The following SPAG16 variants were observed in gnomAD, a reference collection of about 807,000 sequenced individuals.
SPAG16 encodes the protein sperm associated antigen 16.
A neutral mutation model predicts 80.4 loss-of-function variants in SPAG16; 86 were observed. The ratio of observed to expected loss-of-function variants is 1.07; its 90% CI spans 0.90 to 1.28. The LOEUF (loss-of-function observed/expected upper bound fraction) is 1.28. SPAG16 is among the 50% of genes most tolerant of loss of function. The probability of loss-of-function intolerance (pLI) is 0.00; values close to 1 mark genes in which losing one functional copy is unlikely to be tolerated. For missense variants in SPAG16, 870 were observed against 765.3 expected, an observed-to-expected ratio of 1.14 and a Z score of -1.61; for synonymous variants, 294 against 265.9, an observed-to-expected ratio of 1.11 and a Z score of -1.03.
intron 10 of SPAG16, among the ~76,000 whole-genome samples, chr2:213,635,872 T>A (rs1463977708): frequency 6.6e-6 from 1 of 152,190 alleles, no homozygotes; most frequent in African/African-American, 2.4e-5. Context: ...ATGTATAGTT[T>A]GCAAAAATTT....
chr2:214,279,823 CT>C (rs1692775084), intron 15 of SPAG16, among the ~76,000 whole-genome samples: 1 of 152,130 alleles, frequency 6.6e-6, no homozygotes, highest in African/African-American at 2.4e-5. Flanking sequence ...CAATGTATTT[CT>C]CTAACTAAAA....
At chr2:214,136,293 C>T (rs1223169561) in intron 14 of SPAG16, among the ~76,000 whole-genome samples, 1 of 152,150 alleles carries the variant, frequency 6.6e-6, no homozygotes, top group Non-Finnish European at 1.5e-5. Context: ...CAAACCATAG[C>T]ATCAGGTTTT....
At chr2:213,975,823 G>A (rs972703924) in intron 12 of SPAG16, among the ~76,000 whole-genome samples, 4 of 151,932 alleles carry the variant, frequency 2.6e-5, no homozygotes, top group African/African-American at 7.2e-5. Context: ...AGAGTTAGCA[G>A]CTTGCAACAA....
At position 213,314,401 on chromosome 2, in the gene SPAG16, A is replaced by G. The variant is rs568153453; in HGVS notation, c.399-2818A>G. ...AAAGTCAGGATATTTGTTAAAACAAAACAAAACAACAGATACATACAAACT... is the reference window on the plus strand; with the variant it reads ...AAAGTCAGGATATTTGTTAAAACAAGACAAAACAACAGATACATACAAACT... On this transcript the variant is annotated intron_variant, in intron 4 of 15. Coordinates refer to ENST00000331683, the MANE Select transcript of SPAG16 (RefSeq NM_024532.5). 5.9e-5 allele frequency among the ~76,000 whole-genome samples: 9 copies of G among 151,994 alleles called. 1 individual carries two copies. In the South Asian group the frequency reaches 1.9e-3, roughly 32 times the overall value.
rs184780803 is a variant in SPAG16 at position 213,936,686 on chromosome 2, G to C, written c.1400+6541G>C. ...ATTTTCATACACCTGAAAGGCAAAG[G>C]CTCATTCTCCTTATACTGGGACACT... is the stretch of plus-strand genomic sequence containing the variant. On this transcript the variant is annotated intron_variant, in intron 12 of 15. Transcript: ENST00000331683. Among the ~76,000 whole-genome samples the C allele has an allele frequency of 1.3e-3, 191 of 152,238 alleles. 2 individuals are homozygous for C. The highest frequency in any genetic ancestry group is 2.5e-3 in the South Asian group (12 of 4,822).
intron 10 of SPAG16, among the ~76,000 whole-genome samples, chr2:213,528,012 G>T (rs189090956): frequency 3.3e-5 from 5 of 151,708 alleles, no homozygotes; most frequent in Non-Finnish European, 7.4e-5. Flanking sequence ...TTAGACAAGG[G>T]GAAGAAGAAA....
chr2:213,405,703 T>C (rs562582572), intron 9 of SPAG16, among the ~76,000 whole-genome samples: 2 of 152,304 alleles, frequency 1.3e-5, no homozygotes, highest in East Asian at 3.9e-4. Flanking sequence ...TTTTTAGCTC[T>C]AATATATGAG....
rs1012744519 is a variant in SPAG16 at position 213,442,832 on chromosome 2, A to G, written c.943-47131A>G. Reference sequence around the variant, plus strand: ...ACTCCTAGAATATAACAGAAAATCTAGATTACCTTGGATTTGGTGGATATA... The same window carrying G: ...ACTCCTAGAATATAACAGAAAATCTGGATTACCTTGGATTTGGTGGATATA... On this transcript the variant is annotated intron_variant, in intron 9 of 15. Transcript: ENST00000331683. Among the ~76,000 whole-genome samples, 9 of 152,302 alleles carry G rather than the reference A, an allele frequency of 5.9e-5. No individual in the cohort carries two copies. In the East Asian group the frequency reaches 1.2e-3, roughly 20 times the overall value.
chr2:214,295,221 G>C (rs189585983), intron 15 of SPAG16, among the ~76,000 whole-genome samples: 1 of 152,288 alleles, frequency 6.6e-6, no homozygotes, highest in Non-Finnish European at 1.5e-5. Context: ...GAGCAAAAGT[G>C]GGTGGGGCAT....
intron 15 of SPAG16, among the ~76,000 whole-genome samples, chr2:214,348,932 C>T (rs911177462): frequency 2.0e-5 from 3 of 152,122 alleles, no homozygotes; most frequent in Admixed American, 6.5e-5. Context: ...GTTCTTTATA[C>T]ATTCTGGCTA....
At position 213,825,576 on chromosome 2, in the gene SPAG16, A is replaced by C. The variant is rs144935531; in HGVS notation, c.1071-36909A>C. Among the ~76,000 whole-genome samples the C allele has an allele frequency of 2.7e-3, 414 of 152,132 alleles. 11 individuals carry two copies. The East Asian group carries it at 0.075, about 27-fold the overall frequency. On this transcript the variant is annotated intron_variant, in intron 10 of 15. Coordinates refer to ENST00000331683, the MANE Select transcript of SPAG16 (RefSeq NM_024532.5). The stretch of plus-strand genomic sequence containing the variant: ...TCCTTGCATCCTTGGGATAAATCCC[A>C]CTTGGTCATGATGAGTCATCTTTGT...
intron 11 of SPAG16, among the ~76,000 whole-genome samples, chr2:213,876,213 G>A (rs763387653): frequency 6.7e-6 from 1 of 149,784 alleles, no homozygotes; most frequent in Non-Finnish European, 1.5e-5. Flanking sequence ...TGAAATGTAG[G>A]TACATAACTT....
chr2:214,138,637 A>C (rs999305737), intron 14 of SPAG16, among the ~76,000 whole-genome samples: 1 of 152,134 alleles, frequency 6.6e-6, no homozygotes, highest in Non-Finnish European at 1.5e-5. Flanking sequence ...AAACTCAAAT[A>C]CCACCTGACT....
At chr2:213,631,390 A>C (rs953276757) in intron 10 of SPAG16, among the ~76,000 whole-genome samples, 1 of 152,200 alleles carries the variant, frequency 6.6e-6, no homozygotes, top group African/African-American at 2.4e-5. Flanking sequence ...CATTCTGAGT[A>C]CTTTAAATGT....
rs529974088 is a variant in SPAG16 at position 214,331,647 on chromosome 2, T to C, written c.1721-78493T>C. On this transcript the variant is annotated intron_variant, in intron 15 of 15. Transcript: ENST00000331683. ...AGAGTGTAGATTGAATGCTGGAGAATGGTACCCCGTCCAAGCAAAATATTC... is the reference window on the plus strand; with the variant it reads ...AGAGTGTAGATTGAATGCTGGAGAACGGTACCCCGTCCAAGCAAAATATTC... Among the ~76,000 whole-genome samples, 9 of 152,228 alleles carry C rather than the reference T, an allele frequency of 5.9e-5. No individual in the cohort carries two copies. In the East Asian group the frequency reaches 1.4e-3, roughly 23 times the overall value.
At chr2:214,265,916 C>G (rs1193929343) in intron 15 of SPAG16, among the ~76,000 whole-genome samples, 4 of 151,876 alleles carry the variant, frequency 2.6e-5, no homozygotes, top group Non-Finnish European at 5.9e-5. Context: ...TCTAATTTTC[C>G]CCTAGCATTG....
intron 13 of SPAG16, among the ~76,000 whole-genome samples, chr2:214,030,394 G>C (rs889556150): frequency 4.8e-4 from 73 of 152,060 alleles, no homozygotes; most frequent in African/African-American, 1.6e-3. Flanking sequence ...ATTCATAACA[G>C]CCGAGATGTA....
chr2:213,482,284 T>C (rs892178227), intron 9 of SPAG16, among the ~76,000 whole-genome samples: 5 of 152,228 alleles, frequency 3.3e-5, no homozygotes, highest in Non-Finnish European at 7.3e-5. Context: ...CCCATGTTGC[T>C]TTTGCTCACA....
intron 11 of SPAG16, among the ~76,000 whole-genome samples, chr2:213,890,285 C>A (rs1043040245): frequency 6.6e-6 from 1 of 151,958 alleles, no homozygotes; most frequent in Non-Finnish European, 1.5e-5. Flanking sequence ...AATAGAGAAA[C>A]CATTGTGTTA....
Sources: gnomAD v4.1 joint callset for allele counts (sites outside exome capture counted in the v4.1 genomes callset) on GRCh38, gnomAD v4.1.1 for gene constraint, MANE v1.5 for transcripts, NCBI Gene and HGNC (gene_info 2026-07-23, HGNC 2026-07-21) for gene names.